Variants in ANKRD26 observed in about 807,000 individuals in gnomAD.
The protein encoded by ANKRD26 is ankyrin repeat domain 26, also known as ankyrin repeat domain-containing protein 26.
A neutral mutation model predicts 208.7 loss-of-function variants in ANKRD26; 141 were observed. That is an observed-to-expected ratio of 0.68 (90% CI 0.59 to 0.78). The LOEUF (loss-of-function observed/expected upper bound fraction) is 0.78. Ranked by LOEUF, ANKRD26 falls within the 30% of genes least tolerant of loss-of-function variation. ANKRD26 has a pLI of 0.00. For missense variants in ANKRD26, 1,889 were observed against 1,938.7 expected (o/e 0.97, Z 0.48); for synonymous variants, 636 against 660.4 (o/e 0.96, Z 0.57).
intron 11 of ANKRD26, chr10:27,066,233 G>A (rs1270696653): frequency 3.4e-6 from 1 of 294,284 alleles, no homozygotes; most frequent in Non-Finnish European, 6.1e-6. Flanking sequence ...TGACTTCTAA[G>A]CCTTTTCTTT....
chr10:27,016,579 G>GTT (rs71281566), intron 30 of ANKRD26, among the ~76,000 whole-genome samples: 457 of 145,712 alleles, frequency 3.1e-3, no homozygotes, highest in Non-Finnish European at 4.7e-3. Context: ...GCCCAGCTTT[G>GTT]TTTTTTTTTT....
In ANKRD26 at chr10:27,022,648, A is replaced by C. The variant is rs1449107925; in HGVS notation, c.4125T>G (p.Asn1375Lys). 1 of 1,583,216 alleles carries C rather than the reference A, an allele frequency of 6.3e-7. No homozygotes were observed. The highest frequency in any genetic ancestry group is 8.6e-7 in the Non-Finnish European group (1 of 1,156,836). ...AACTAAATTCTCCATTTTCATATTCATTTAACTTCTTTCTTGTCATTTTTA... is the reference window on the plus strand; with the variant it reads ...AACTAAATTCTCCATTTTCATATTCCTTTAACTTCTTTCTTGTCATTTTTA... Reference protein sequence around the residue: ...NLLKMTRKKLNEYENGEFSFH... With the variant: ...NLLKMTRKKLKEYENGEFSFH... Residue 1375 changes from asparagine (N) to lysine (K), a missense_variant, in exon 29 of 34, where the codon AAT (asparagine) becomes AAG (lysine). Asn to Lys is a moderately conservative substitution (Grantham distance 94). This residue lies in a region of ANKRD26 where 613 missense variants were observed against 648.2 expected (regional missense o/e 0.95). Coordinates refer to ENST00000376087, the MANE Select transcript of ANKRD26 (RefSeq NM_014915.3).
At position 27,048,881 on chromosome 10, in the gene ANKRD26, A is replaced by G; in HGVS notation, c.1734T>C (p.Asp578=). ...ATDDAEDDDD[D]DGLIQKRKSG... is the part of the protein sequence containing the mutation. ...TCTTTCTTTTTTGAATTAATCCATCATCATCATCATCATCTTCAGCATCAT... is the reference window on the plus strand; with the variant it reads ...TCTTTCTTTTTTGAATTAATCCATCGTCATCATCATCATCTTCAGCATCAT... The change falls in exon 17 of 34, where the codon GAT becomes GAC. Residue 578 remains aspartate, a synonymous_variant. Coordinates refer to ENST00000376087, the MANE Select transcript of ANKRD26 (RefSeq NM_014915.3). 1 of 1,613,142 alleles carries G rather than the reference A, an allele frequency of 6.2e-7. No individual in the cohort carries two copies. Among genetic ancestry groups the G allele is most frequent in the African/African-American group, 1.3e-5 (1 of 75,000 alleles).
the ANKRD26 span, among the ~76,000 whole-genome samples, chr10:26,958,073 TTATA>T: frequency 1.5e-4 from 21 of 144,212 alleles, no homozygotes; most frequent in African/African-American, 5.1e-4. Flanking sequence ...TCACCCAGTT[TTATA>T]TATATATATA....
At chr10:26,953,149 A>G in the ANKRD26 span, among the ~76,000 whole-genome samples, 1 of 152,316 alleles carries the variant, frequency 6.6e-6, no homozygotes, top group Admixed American at 6.5e-5. Flanking sequence ...ACCAGGCCAG[A>G]CAGAGTGGGT....
At chr10:26,964,371 C>A in the ANKRD26 span, among the ~76,000 whole-genome samples, 5 of 152,086 alleles carry the variant, frequency 3.3e-5, no homozygotes, top group East Asian at 3.9e-4. Flanking sequence ...AACACCACAC[C>A]CTTCTCCACA....
intron 7 of ANKRD26, among the ~76,000 whole-genome samples, chr10:27,077,922 C>A (rs192855045): frequency 6.7e-6 from 1 of 149,796 alleles, no homozygotes; most frequent in African/African-American, 2.4e-5. Flanking sequence ...CTCCCCTTAC[C>A]CCTAATTGAT....
At chr10:26,976,653 A>G (rs1394171676) in intron 5 of ANKRD26, among the ~76,000 whole-genome samples, 2 of 151,706 alleles carry the variant, frequency 1.3e-5, no homozygotes, top group African/African-American at 4.8e-5. Context: ...AGCACTTCAT[A>G]TTTTGTAGCA....
intron 30 of ANKRD26, among the ~76,000 whole-genome samples, chr10:27,015,075 G>C (rs2053244894): frequency 6.6e-6 from 1 of 152,106 alleles, no homozygotes; most frequent in Non-Finnish European, 1.5e-5. Flanking sequence ...GAAAGAAAAT[G>C]ACTACAAATG....
intron 23 of ANKRD26, among the ~76,000 whole-genome samples, chr10:27,036,605 C>T (rs1355834378): frequency 6.6e-6 from 1 of 152,054 alleles, no homozygotes; most frequent in Non-Finnish European, 1.5e-5. Context: ...GAGAAATATG[C>T]TGAACTGTTT....
chr10:27,030,425 G>C (rs1379421109), intron 25 of ANKRD26: 1 of 985,258 alleles, frequency 1.0e-6, no homozygotes, highest in Non-Finnish European at 1.2e-6. Flanking sequence ...GAAAACACTG[G>C]ACTCTGCTGC....
Position 27,048,958 on chromosome 10 carries a change from G to T in ANKRD26, c.1657C>A (p.His553Asn). 1.2e-6 allele frequency: 2 copies of T among 1,603,298 alleles called. No individual in the cohort carries two copies. Among genetic ancestry groups the T allele is most frequent in the Admixed American group, 1.7e-5 (1 of 58,918 alleles). ...GATACTTCCATTTCATTATTTCTGTGTTTTTTCCTTTCTTCTTCAACCTTT... is the reference window on the plus strand; with the variant it reads ...GATACTTCCATTTCATTATTTCTGTTTTTTTTCCTTTCTTCTTCAACCTTT... ...QPQVEEERKK[H>N]RNNEMEVSAN... is the part of the protein sequence containing the mutation. The change falls in exon 17 of 34, where the codon CAC (histidine) becomes AAC (asparagine). Residue 553 changes from histidine to asparagine, a missense_variant. Transcript: ENST00000376087.
At chr10:27,051,908 T>A in intron 16 of ANKRD26, 1 of 985,358 alleles carries the variant, frequency 1.0e-6, no homozygotes, top group Non-Finnish European at 1.2e-6. Context: ...TTAACTCATT[T>A]GTGATGAGTT....
the ANKRD26 span, among the ~76,000 whole-genome samples, chr10:26,962,065 A>G: frequency 5.2e-4 from 79 of 152,298 alleles, no homozygotes; most frequent in Non-Finnish European, 8.7e-4. Flanking sequence ...GGCACTTGTG[A>G]TATGGTGGAT....
the ANKRD26 span, among the ~76,000 whole-genome samples, chr10:26,960,076 C>T: frequency 6.6e-6 from 1 of 151,858 alleles, no homozygotes. Flanking sequence ...ACACGAGAAT[C>T]ACTTGAGCCC....
chr10:27,017,428 A>G (rs1313792999), intron 30 of ANKRD26, 74 bp downstream of exon 30: 3 of 1,510,092 alleles, frequency 2.0e-6, no homozygotes, highest in Non-Finnish European at 2.8e-6. Flanking sequence ...GATGTAGAGG[A>G]AACACATATA....
intron 6 of ANKRD26, among the ~76,000 whole-genome samples, chr10:27,080,444 C>T (rs1285248082): frequency 6.6e-6 from 1 of 152,082 alleles, no homozygotes; most frequent in African/African-American, 2.4e-5. Flanking sequence ...GACTACTCAC[C>T]CCAGAAATAT....
At chr10:27,049,649 T>C (rs2054580099) in intron 16 of ANKRD26, among the ~76,000 whole-genome samples, 1 of 152,172 alleles carries the variant, frequency 6.6e-6, no homozygotes, top group African/African-American at 2.4e-5. Context: ...CTGGAGGATA[T>C]ATAGTATAAG....
At chr10:27,068,343 A>G (rs1012782178) in intron 9 of ANKRD26, among the ~76,000 whole-genome samples, 6 of 152,170 alleles carry the variant, frequency 3.9e-5, no homozygotes, top group African/African-American at 1.2e-4. Context: ...GCCTTCCACC[A>G]TGATTGTAAG....
Sources: gnomAD v4.1 joint callset for allele counts (sites outside exome capture counted in the v4.1 genomes callset) on GRCh38, gnomAD v4.1.1 for gene constraint, gnomAD v4.1.1 regional missense constraint, MANE v1.5 for transcripts, NCBI Gene and HGNC (gene_info 2026-07-23, HGNC 2026-07-21) for gene names.